GNG7: variants seen among roughly 807,000 people sequenced by gnomAD.
GNG7 encodes the protein G protein subunit gamma 7.
Under a neutral mutation model 4.0 loss-of-function variants are expected in GNG7, and 1 was observed. The observed-to-expected ratio is 0.25, with a 90% CI of 0.09 to 1.18. The LOEUF (loss-of-function observed/expected upper bound fraction) is 1.18. Ranked by LOEUF, GNG7 falls within the 50% of genes most tolerant of loss-of-function variation. GNG7 has a pLI of 0.50. For missense variants in GNG7, 86 were observed against 91.9 expected, an observed-to-expected ratio of 0.94 and a Z score of 0.26; for synonymous variants, 34 against 36.9, an observed-to-expected ratio of 0.92 and a Z score of 0.29.
At position 2,653,069 on chromosome 19, in the gene GNG7, C is replaced by T. The variant is rs1282537516; in HGVS notation, c.-134-6789G>A. On this transcript the variant is annotated intron_variant, in intron 1 of 4. Transcript: ENST00000382159. This position sits in a 1 kb window ranked among gnomAD's most constrained non-coding sequence, Gnocchi z 4.8. ...TCACACCACTGCACTCCAGCCCGGG[C>T]AACAGAGCAAGACTCTGACTCAAAT... Among the ~76,000 whole-genome samples, 1 of 151,844 alleles carries T rather than the reference C, an allele frequency of 6.6e-6. No homozygotes were observed. Among genetic ancestry groups the T allele is most frequent in the Non-Finnish European group, 1.5e-5 (1 of 67,982 alleles).
At chr19:2,647,345 G>A (rs771963464) in intron 1 of GNG7, among the ~76,000 whole-genome samples, 15 of 152,144 alleles carry the variant, frequency 9.9e-5, no homozygotes, top group Non-Finnish European at 2.1e-4. Flanking sequence ...CGTGTCCCGC[G>A]TGACACATGG....
intron 3 of GNG7, among the ~76,000 whole-genome samples, chr19:2,534,826 C>T (rs1000763051): frequency 1.3e-5 from 2 of 152,196 alleles, no homozygotes; most frequent in African/African-American, 4.8e-5. Flanking sequence ...GCTGGAAAAA[C>T]CTATCTGTCA....
At position 2,512,423 on chromosome 19, in the gene GNG7, G is replaced by C. The variant is rs369029882; in HGVS notation, c.*2599C>G. On this transcript the variant is annotated 3_prime_UTR_variant, in exon 5 of 5. Coordinates refer to ENST00000382159, the MANE Select transcript of GNG7 (RefSeq NM_052847.3). The surrounding 1 kb of genome is among the most constrained non-coding windows in gnomAD (Gnocchi z 4.7). ...AAGAAACCCACAGGCTTCTGGCAAT[G>C]GCCACCTCCCTGGGGTCCGGGAGAT... The C allele has an allele frequency of 1.0e-5, 10 of 953,376 alleles. No homozygotes were observed. The East Asian group carries it at 3.5e-4, about 33-fold the overall frequency. 59.1% of individuals were successfully genotyped at this position (953,376 alleles called of 1,614,324 possible).
At chr19:2,568,395 AAC>A (rs764906654) in intron 2 of GNG7, among the ~76,000 whole-genome samples, 123 of 107,670 alleles carry the variant, frequency 1.1e-3, no homozygotes, top group African/African-American at 2.7e-3. Flanking sequence ...ATACAACACA[AAC>A]ACACACACAT....
chr19:2,576,898 G>A (rs1568250504), intron 2 of GNG7, among the ~76,000 whole-genome samples: 1 of 149,474 alleles, frequency 6.7e-6, no homozygotes, highest in East Asian at 2.0e-4. Context: ...GGCCCAGGCT[G>A]GTCTCAAACT....
Position 2,523,610 on chromosome 19 carries a change from TCA to T in GNG7, c.-37-2887_-37-2886del, listed in dbSNP as rs201122667. Among the ~76,000 whole-genome samples the T allele has an allele frequency of 4.4e-3, 672 of 152,104 alleles. 4 individuals are homozygous for T. The highest frequency in any genetic ancestry group is 4.8e-3 in the Non-Finnish European group (329 of 67,986). ...CCACAAGCCTACATGAGTGATAAACTCACAGAGAGCCTCACACACTCACACAC... is the reference window on the plus strand; with the variant it reads ...CCACAAGCCTACATGAGTGATAAACTCAGAGAGCCTCACACACTCACACAC... On this transcript the variant is annotated intron_variant, in intron 3 of 4. Coordinates refer to ENST00000382159, the MANE Select transcript of GNG7 (RefSeq NM_052847.3).
chr19:2,601,050 G>A (rs569052235), intron 2 of GNG7, among the ~76,000 whole-genome samples: 3 of 152,144 alleles, frequency 2.0e-5, no homozygotes, highest in South Asian at 2.1e-4. Flanking sequence ...TGGTAGGATC[G>A]CTTGAGCCCG....
chr19:2,539,068 G>T (rs1978855876), intron 3 of GNG7, among the ~76,000 whole-genome samples: 1 of 152,204 alleles, frequency 6.6e-6, no homozygotes, highest in Non-Finnish European at 1.5e-5. Flanking sequence ...ACGGCACCCA[G>T]CCCTAGATTG....
intron 1 of GNG7, among the ~76,000 whole-genome samples, chr19:2,658,381 A>G (rs1983051112): frequency 6.6e-6 from 1 of 152,056 alleles, no homozygotes; most frequent in Non-Finnish European, 1.5e-5. Flanking sequence ...TTTAAAATGG[A>G]AAAGGCTTTT....
At chr19:2,620,252 G>A (rs1442924393) in intron 2 of GNG7, among the ~76,000 whole-genome samples, 2 of 138,186 alleles carry the variant, frequency 1.4e-5, no homozygotes, top group Non-Finnish European at 3.2e-5. Context: ...GAGGGGAGGG[G>A]AGGGGAGGGG....
rs553437815 is a variant in GNG7, at chr19:2,659,153, T to A, written c.-134-12873A>T. 2.7e-3 allele frequency among the ~76,000 whole-genome samples: 405 copies of A among 151,942 alleles called. 1 individual carries two copies. Among genetic ancestry groups the A allele is most frequent in the South Asian group, 6.6e-3 (32 of 4,828 alleles). ...CCTGGCTAATTTTTTGTATTTTTAG[T>A]AGAGACGAGGTTTCACCGGGTTAGC... On this transcript the variant is annotated intron_variant, in intron 1 of 4. Coordinates refer to ENST00000382159, the MANE Select transcript of GNG7 (RefSeq NM_052847.3).
rs1972657466 is a variant in GNG7 at position 2,511,656 on chromosome 19, G to A, written c.*3366C>T. The A allele has an allele frequency of 3.3e-5, 11 of 336,104 alleles. No homozygotes were observed. In the South Asian group the frequency reaches 9.5e-4, roughly 29 times the overall value. The allele number at this position is 336,104 out of a possible 1,614,324, so 20.8% of individuals were successfully genotyped here. On this transcript the variant is annotated 3_prime_UTR_variant, in exon 5 of 5. Transcript: ENST00000382159. The surrounding 1 kb of genome is among the most constrained non-coding windows in gnomAD (Gnocchi z 6.3). Reference sequence around the variant, plus strand: ...CCCCAGAACTTGGGCAGGACGGGCTGTTAACTTGGAGATGGATGCGTGGCC... The same window carrying A: ...CCCCAGAACTTGGGCAGGACGGGCTATTAACTTGGAGATGGATGCGTGGCC...
chr19:2,601,700 G>C (rs1280802646), intron 2 of GNG7, among the ~76,000 whole-genome samples: 4 of 151,994 alleles, frequency 2.6e-5, no homozygotes, highest in Middle Eastern at 3.4e-3. Context: ...GATCCCTTGA[G>C]CCCAGGAGTT....
At position 2,701,674 on chromosome 19, in the gene GNG7, T is replaced by TC. The variant is rs1175440916; in HGVS notation, c.-135+971dup. On this transcript the variant is annotated intron_variant, in intron 1 of 4. Transcript: ENST00000382159. ...ACATCTAATTCCCTCTGCAGCCCCC[T>TC]CTCCAATGAACCCCACTTCAAACTC... 9.7e-5 allele frequency among the ~76,000 whole-genome samples: 7 copies of TC among 71,832 alleles called. No homozygotes were observed. The Admixed American group carries it at 1.3e-3, about 14-fold the overall frequency. 47.1% of individuals were successfully genotyped at this position (71,832 alleles called of 152,430 possible).
At chr19:2,688,071 T>C (rs1983916449) in intron 1 of GNG7, among the ~76,000 whole-genome samples, 3 of 150,972 alleles carry the variant, frequency 2.0e-5, no homozygotes, top group African/African-American at 4.9e-5. Context: ...GCTAACACGG[T>C]GAAACCCCGT....
intron 3 of GNG7, among the ~76,000 whole-genome samples, chr19:2,553,578 C>T (rs917376704): frequency 6.7e-6 from 1 of 148,998 alleles, no homozygotes; most frequent in Admixed American, 6.8e-5. Flanking sequence ...TAAATCATAT[C>T]ACATACACGC....
At chr19:2,580,041 T>C (rs1980456274) in intron 2 of GNG7, among the ~76,000 whole-genome samples, 1 of 152,032 alleles carries the variant, frequency 6.6e-6, no homozygotes, top group East Asian at 1.9e-4. Context: ...AAAAAAACCA[T>C]TGCACCCCCC....
chr19:2,615,668 T>C (rs1207074137), intron 2 of GNG7, among the ~76,000 whole-genome samples: 1 of 151,372 alleles, frequency 6.6e-6, no homozygotes, highest in Non-Finnish European at 1.5e-5. Context: ...TTTCACCATG[T>C]TAGCCAGGAT....
chr19:2,637,198 C>T (rs1400844635), intron 2 of GNG7, among the ~76,000 whole-genome samples: 1 of 126,710 alleles, frequency 7.9e-6, no homozygotes, highest in Non-Finnish European at 1.7e-5. Flanking sequence ...GCTTCAGAGG[C>T]CCCAGGAACA....
Sources: allele counts gnomAD v4.1 joint callset (sites outside exome capture counted in the v4.1 genomes callset), GRCh38; gene constraint gnomAD v4.1.1; non-coding constraint Gnocchi (gnomAD v3.1); transcripts MANE v1.5; gene names NCBI Gene and HGNC (gene_info 2026-07-23, HGNC 2026-07-21).